CPQ: variants seen among roughly 807,000 people sequenced by gnomAD.
CPQ encodes the protein Ser-Met dipeptidase.
In CPQ, 37 loss-of-function variants were observed where a neutral mutation model predicts 45.7. That is an observed-to-expected ratio of 0.81 (90% confidence interval 0.62 to 1.07). The LOEUF is 1.07. Among genes scored for constraint, CPQ ranks in the 50% least tolerant of loss-of-function variants. CPQ has a pLI of 0.00. For synonymous variants in CPQ, 186 were observed against 205.8 expected (o/e 0.90, Z 0.82); for missense variants, 537 against 572.9 (o/e 0.94, Z 0.64).
chr8:96,763,745 C>T (rs890156458), intron 1 of CPQ, among the ~76,000 whole-genome samples: 1 of 151,974 alleles, frequency 6.6e-6, no homozygotes, highest in African/African-American at 2.4e-5. Context: ...AGATACTTCA[C>T]CAAAAAAGAT....
At chr8:97,105,104 T>G (rs567703014) in intron 7 of CPQ, among the ~76,000 whole-genome samples, 1 of 152,344 alleles carries the variant, frequency 6.6e-6, no homozygotes, top group South Asian at 2.1e-4. Flanking sequence ...GCATTGTGCC[T>G]TCTTGATTAG....
intron 7 of CPQ, among the ~76,000 whole-genome samples, chr8:97,122,970 A>ATTAAAT (rs1431244060): frequency 2.7e-5 from 2 of 74,674 alleles, no homozygotes; most frequent in African/African-American, 7.5e-5. Context: ...ATAAAATAAA[A>ATTAAAT]TAAAATAAAA....
chr8:97,095,106 G>C (rs138430229), intron 7 of CPQ, among the ~76,000 whole-genome samples: 106 of 152,180 alleles, frequency 7.0e-4, no homozygotes, highest in Non-Finnish European at 1.4e-3. Context: ...GTATATGCTA[G>C]GATCTCATCC....
At chr8:96,756,875 C>T (rs539944066) in intron 1 of CPQ, among the ~76,000 whole-genome samples, 34 of 152,250 alleles carry the variant, frequency 2.2e-4, no homozygotes, top group African/African-American at 6.0e-4. Flanking sequence ...TTCTTAGATC[C>T]TGTGTACTCC....
Position 96,846,728 on chromosome 8 carries a change from G to A in CPQ, c.641+11548G>A, listed in dbSNP as rs116505336. Reference sequence around the variant, plus strand: ...ATCTTTGTCATGCCTAAGAAATTTAGCATTGCTATAGAAATATTATTTAAT... The same window carrying A: ...ATCTTTGTCATGCCTAAGAAATTTAACATTGCTATAGAAATATTATTTAAT... On this transcript the variant is annotated intron_variant, in intron 3 of 7. Transcript: ENST00000220763. Among the ~76,000 whole-genome samples the A allele has an allele frequency of 5.7e-3, 873 of 152,196 alleles. 8 individuals are homozygous for A. The highest frequency in any genetic ancestry group is 0.019 in the African/African-American group (800 of 41,524).
At chr8:97,055,983 C>T (rs945902233) in intron 6 of CPQ, among the ~76,000 whole-genome samples, 1 of 152,060 alleles carries the variant, frequency 6.6e-6, no homozygotes, top group African/African-American at 2.4e-5. Context: ...CCTGTAGTCC[C>T]AGCTACTCAG....
intron 3 of CPQ, among the ~76,000 whole-genome samples, chr8:96,850,226 A>T (rs1811752279): frequency 6.6e-6 from 1 of 152,188 alleles, no homozygotes; most frequent in African/African-American, 2.4e-5. Flanking sequence ...GTGGAAACTC[A>T]CCTTGTGAAA....
chr8:96,900,447 A>AG (rs1812499633), intron 4 of CPQ, among the ~76,000 whole-genome samples: 1 of 152,162 alleles, frequency 6.6e-6, no homozygotes, highest in Non-Finnish European at 1.5e-5. Context: ...CATTTGCTGT[A>AG]GAATTAGTGG....
At chr8:97,037,701 T>C (rs62508616) in intron 6 of CPQ, among the ~76,000 whole-genome samples, 1 of 152,178 alleles carries the variant, frequency 6.6e-6, no homozygotes, top group Non-Finnish European at 1.5e-5. Flanking sequence ...ATTTTATTTT[T>C]GTAAAAAAAG....
chr8:96,872,671 T>A (rs1420523536), intron 3 of CPQ, among the ~76,000 whole-genome samples: 1 of 151,876 alleles, frequency 6.6e-6, no homozygotes, highest in African/African-American at 2.4e-5. Flanking sequence ...TAGTCAGGAC[T>A]ATCCAGAGAA....
intron 7 of CPQ, among the ~76,000 whole-genome samples, chr8:97,106,711 A>G (rs539419666): frequency 1.3e-5 from 2 of 152,204 alleles, no homozygotes; most frequent in African/African-American, 4.8e-5. Flanking sequence ...CAATAGCAGG[A>G]GAGCCTTGGG....
At chr8:97,102,933 G>C (rs1414371997) in intron 7 of CPQ, among the ~76,000 whole-genome samples, 2 of 152,202 alleles carry the variant, frequency 1.3e-5, no homozygotes, top group Non-Finnish European at 2.9e-5. Flanking sequence ...TAGGGTGTTA[G>C]TAGAGATGGT....
At chr8:96,739,943 G>A (rs1465637219) in intron 1 of CPQ, among the ~76,000 whole-genome samples, 3 of 152,148 alleles carry the variant, frequency 2.0e-5, no homozygotes, top group African/African-American at 7.2e-5. Flanking sequence ...TTGATGATGC[G>A]GGCTCTTTTT....
At chr8:96,663,511 T>C (rs569602669) in intron 1 of CPQ, among the ~76,000 whole-genome samples, 1 of 152,320 alleles carries the variant, frequency 6.6e-6, no homozygotes, top group Admixed American at 6.5e-5. Context: ...TGCCAAGCTG[T>C]GGACCATGGG....
At chr8:97,136,631 A>G (rs906642065) in intron 7 of CPQ, among the ~76,000 whole-genome samples, 1 of 152,164 alleles carries the variant, frequency 6.6e-6, no homozygotes, top group Non-Finnish European at 1.5e-5. Flanking sequence ...CCTAGGTGCA[A>G]TGGCTCCTTG....
chr8:96,719,460 G>A (rs137990125), intron 1 of CPQ, among the ~76,000 whole-genome samples: 2 of 152,266 alleles, frequency 1.3e-5, no homozygotes, highest in African/African-American at 4.8e-5. Context: ...TGCCACTCGC[G>A]CCTCTCCCTC....
intron 6 of CPQ, among the ~76,000 whole-genome samples, chr8:97,054,423 A>G (rs1810416375): frequency 6.6e-6 from 1 of 152,244 alleles, no homozygotes; most frequent in African/African-American, 2.4e-5. Flanking sequence ...ACTACTAGGT[A>G]TCTGCCCAAA....
chr8:96,649,222 C>T (rs1198290401), intron 1 of CPQ, among the ~76,000 whole-genome samples: 2 of 152,232 alleles, frequency 1.3e-5, no homozygotes, highest in Non-Finnish European at 2.9e-5. Flanking sequence ...AGCTATCTGC[C>T]TGCCTTGGCC....
rs1315029530 is a variant in CPQ at position 96,738,511 on chromosome 8, C to T, written c.-34-46353C>T. On this transcript the variant is annotated intron_variant, in intron 1 of 7. Transcript: ENST00000220763. ...TTTTAGGGTACATGTGCACAATGTG[C>T]AGGTTAGTTACATATGTATACATGT... Among the ~76,000 whole-genome samples the T allele has an allele frequency of 2.7e-5, 4 of 150,768 alleles. 1 individual carries two copies. Among genetic ancestry groups the T allele is most frequent in the Admixed American group, 6.6e-5 (1 of 15,118 alleles).
Sources: gnomAD v4.1 joint callset for allele counts (sites outside exome capture counted in the v4.1 genomes callset) on GRCh38, gnomAD v4.1.1 for gene constraint, MANE v1.5 for transcripts, NCBI Gene and HGNC (gene_info 2026-07-23, HGNC 2026-07-21) for gene names.